Variants in LPA observed in about 807,000 individuals in gnomAD.
LPA encodes lipoprotein(a).
LPA carries 199 observed loss-of-function variants against 197.9 expected under a neutral mutation model. That is an observed-to-expected ratio of 1.01 (90% CI 0.90 to 1.13). The LOEUF is 1.13. Ranked by LOEUF, LPA falls within the 50% of genes most tolerant of loss-of-function variation. The pLI is 0.00. For missense variants in LPA, 1,853 were observed against 1,785.8 expected, an observed-to-expected ratio of 1.04 and a Z score of -0.68; for synonymous variants, 715 against 639.5, an observed-to-expected ratio of 1.12 and a Z score of -1.78.
chr6:160,561,180 TA>T (rs1181563893), intron 28 of LPA, among the ~76,000 whole-genome samples: 2 of 152,200 alleles, frequency 1.3e-5, no homozygotes, highest in African/African-American at 4.8e-5. Context: ...AAGTGTCTTC[TA>T]GGGTTTTTAT....
At chr6:160,533,140 G>A (rs985096396) in intron 37 of LPA, among the ~76,000 whole-genome samples, 4 of 152,066 alleles carry the variant, frequency 2.6e-5, no homozygotes, top group African/African-American at 9.7e-5. Context: ...ACTGCTTAAT[G>A]GGCATGAGGT....
At chr6:160,570,855 C>T (rs999608305) in intron 28 of LPA, among the ~76,000 whole-genome samples, 2 of 152,046 alleles carry the variant, frequency 1.3e-5, no homozygotes, top group Non-Finnish European at 1.5e-5. Flanking sequence ...TTGTGGTGTT[C>T]TCTGTATTTC....
At chr6:160,549,313 T>A (rs549112313) in intron 30 of LPA, among the ~76,000 whole-genome samples, 1 of 152,182 alleles carries the variant, frequency 6.6e-6, no homozygotes, top group African/African-American at 2.4e-5. Flanking sequence ...TACATAAATG[T>A]GCAAAAGAAA....
chr6:160,582,445 G>A (rs73594888), intron 26 of LPA, among the ~76,000 whole-genome samples: 1 of 151,536 alleles, frequency 6.6e-6, no homozygotes, highest in Non-Finnish European at 1.5e-5. Context: ...CACTCTAAAC[G>A]TGTTATTTTG....
chr6:160,602,456 T>C (rs944743225), intron 18 of LPA, among the ~76,000 whole-genome samples: 1 of 152,234 alleles, frequency 6.6e-6, no homozygotes, highest in Non-Finnish European at 1.5e-5. Flanking sequence ...TACCTCTACA[T>C]ATGCTAAAGT....
At chr6:160,543,619 G>T (rs1378630941) in intron 33 of LPA, among the ~76,000 whole-genome samples, 1 of 152,134 alleles carries the variant, frequency 6.6e-6, no homozygotes, top group African/African-American at 2.4e-5. Context: ...GGCATGGAAT[G>T]CAATCATCTT....
chr6:160,595,981 A>C (rs1340333488), intron 20 of LPA, among the ~76,000 whole-genome samples: 2 of 152,206 alleles, frequency 1.3e-5, no homozygotes, highest in East Asian at 3.9e-4. Flanking sequence ...AGATTGTTTT[A>C]TGCACATACA....
intron 28 of LPA, among the ~76,000 whole-genome samples, chr6:160,561,754 G>C (rs1228627083): frequency 1.3e-5 from 2 of 152,086 alleles, no homozygotes; most frequent in African/African-American, 4.8e-5. Flanking sequence ...CTTGAGCAGT[G>C]GTTTGTAGTT....
intron 26 of LPA, among the ~76,000 whole-genome samples, chr6:160,578,931 T>C (rs1778738232): frequency 6.6e-6 from 1 of 152,238 alleles, no homozygotes; most frequent in Non-Finnish European, 1.5e-5. Flanking sequence ...AAAAGTAGTA[T>C]ATGCTCTCTA....
In LPA at chr6:160,589,576, T is replaced by C. The variant is rs1303166225; in HGVS notation, c.3924A>G (p.Arg1308=). Residue 1308 remains arginine, a synonymous_variant, in exon 24 of 39, where the codon AGA becomes AGG. Transcript: ENST00000316300. ...WSSMTPHWHQ[R]TTEYYPNGGL... is the part of the protein sequence containing the mutation. Reference sequence around the variant, plus strand: ...ACCCATTTGGGTAGTATTCTGTGGTTCTCTGATGCCAGTGTGGTGTCATAG... The same window carrying C: ...ACCCATTTGGGTAGTATTCTGTGGTCCTCTGATGCCAGTGTGGTGTCATAG... The C allele has an allele frequency of 6.2e-7, 1 of 1,613,748 alleles. No individual in the cohort carries two copies. Among genetic ancestry groups the C allele is most frequent in the Non-Finnish European group, 8.5e-7 (1 of 1,179,860 alleles).
chr6:160,648,038 G>T (rs1196385828), intron 2 of LPA, among the ~76,000 whole-genome samples: 1 of 152,052 alleles, frequency 6.6e-6, no homozygotes, highest in African/African-American at 2.4e-5. Flanking sequence ...CGGTTTCTTT[G>T]TTTAGGGGAG....
At chr6:160,566,670 T>C (rs1778460603) in intron 28 of LPA, among the ~76,000 whole-genome samples, 1 of 152,208 alleles carries the variant, frequency 6.6e-6, no homozygotes, top group African/African-American at 2.4e-5. Flanking sequence ...ATGGGCTAAA[T>C]GCTCCAATTA....
intron 7 of LPA, among the ~76,000 whole-genome samples, chr6:160,634,502 G>C (rs954059082): frequency 2.2e-5 from 3 of 137,642 alleles, no homozygotes; most frequent in Non-Finnish European, 4.6e-5. Context: ...CTGAATTGCA[G>C]TAAAGGAGAA....
rs372637630 is a variant in LPA, at chr6:160,553,937, C to CTCTGTGTGTGTGTGTGTG, written c.4973+2087_4973+2088insCACACACACACACACAGA. Among the ~76,000 whole-genome samples the CTCTGTGTGTGTGTGTGTG allele has an allele frequency of 6.1e-4, 85 of 139,138 alleles. No individual in the cohort carries two copies. The Middle Eastern group carries it at 0.011, about 18-fold the overall frequency. The allele number at this position is 139,138 out of a possible 152,430, so 91.3% of individuals were successfully genotyped here. On this transcript the variant is annotated intron_variant, in intron 30 of 38. Transcript: ENST00000316300. ...TCTCTCTTTCTCTCTCTCTCTCTCT[C>CTCTGTGTGTGTGTGTGTG]TGTGTGTGTGTGTGTGTGCGCGCGC...
chr6:160,654,519 C>A (rs1398982218), intron 1 of LPA, among the ~76,000 whole-genome samples: 1 of 152,074 alleles, frequency 6.6e-6, no homozygotes, highest in Non-Finnish European at 1.5e-5. Context: ...AAGTCCAACT[C>A]CTTGTCAACT....
chr6:160,548,939 G>A (rs541583039), intron 30 of LPA, among the ~76,000 whole-genome samples: 1 of 152,206 alleles, frequency 6.6e-6, no homozygotes, highest in East Asian at 1.9e-4. Context: ...AGACAGACTG[G>A]GTAAGTTACA....
intron 28 of LPA, among the ~76,000 whole-genome samples, chr6:160,574,063 G>A (rs554282065): frequency 6.6e-5 from 10 of 152,182 alleles, no homozygotes; most frequent in South Asian, 6.2e-4. Flanking sequence ...CCTTGGGCAC[G>A]TCTTACTGAA....
intron 18 of LPA, among the ~76,000 whole-genome samples, chr6:160,603,252 G>T (rs1197416235): frequency 6.6e-6 from 1 of 151,724 alleles, no homozygotes; most frequent in African/African-American, 2.4e-5. Flanking sequence ...GTGTGTGTGT[G>T]TGTGTGTGCG....
At chr6:160,589,413 AG>A in intron 24 of LPA, 139 bp downstream of exon 24, 1 of 1,008,328 alleles carries the variant, frequency 9.9e-7, no homozygotes, top group Non-Finnish European at 1.5e-6. Flanking sequence ...CTGTGCCCAA[AG>A]CAAGAAGCCT....
Sources: allele counts gnomAD v4.1 joint callset (sites outside exome capture counted in the v4.1 genomes callset), GRCh38; gene constraint gnomAD v4.1.1; transcripts MANE v1.5; gene names NCBI Gene and HGNC (gene_info 2026-07-23, HGNC 2026-07-21).